The following NRP1 variants were observed in gnomAD, a reference collection of about 807,000 sequenced individuals.
NRP1 encodes the protein neuropilin-1.
In NRP1, 35 loss-of-function variants were observed where a neutral mutation model predicts 106.7. That is an observed-to-expected ratio of 0.33 (90% CI 0.25 to 0.43). The LOEUF is 0.43. NRP1 is among the 20% of genes least tolerant of loss of function. NRP1 has a pLI of 1.00. For synonymous variants in NRP1, 437 were observed against 417.9 expected, an observed-to-expected ratio of 1.05 and a Z score of -0.56; for missense variants, 1,024 against 1,170.4, an observed-to-expected ratio of 0.87 and a Z score of 1.83.
At chr10:33,187,175 A>G (rs1384960904) in intron 13 of NRP1, among the ~76,000 whole-genome samples, 1 of 152,204 alleles carries the variant, frequency 6.6e-6, no homozygotes, top group Admixed American at 6.5e-5. Flanking sequence ...GCTGGGCCCA[A>G]GAAACCCTGT....
At position 33,270,696 on chromosome 10, in the gene NRP1, G is replaced by T. The variant is rs766101815; in HGVS notation, c.409C>A (p.Arg137Ser). 1.7e-5 allele frequency: 27 copies of T among 1,610,244 alleles called. No homozygotes were observed. The highest frequency in any genetic ancestry group is 2.3e-5 in the Non-Finnish European group (27 of 1,178,314). Reference sequence around the variant, plus strand: ...TCACCTCTCTTGAAAATTTCATAACGTATGGAAAATCCTGCACCATGTGTT... The same window carrying T: ...TCACCTCTCTTGAAAATTTCATAACTTATGGAAAATCCTGCACCATGTGTT... ...YETHGAGFSI[R>S]YEIFKRGPEC... is the part of the protein sequence containing the mutation. Residue 137 changes from arginine (R) to serine (S), a missense_variant, in exon 3 of 17, where the codon CGT (arginine) becomes AGT (serine). This residue lies in a region of NRP1 where 279 missense variants were observed against 327.4 expected (regional missense o/e 0.85). Coordinates refer to ENST00000374867, the MANE Select transcript of NRP1 (RefSeq NM_003873.7).
intron 8 of NRP1, among the ~76,000 whole-genome samples, chr10:33,217,619 C>T (rs1838880369): frequency 6.6e-6 from 1 of 152,086 alleles, no homozygotes; most frequent in Non-Finnish European, 1.5e-5. Flanking sequence ...AACAAGATGC[C>T]CAGTGAAATT....
intron 6 of NRP1, among the ~76,000 whole-genome samples, chr10:33,243,381 T>C (rs1423660527): frequency 1.3e-5 from 2 of 152,202 alleles, no homozygotes; most frequent in African/African-American, 4.8e-5. Context: ...TTATTTTTAA[T>C]AGAATCACAG....
rs943516985 is a variant in NRP1 at position 33,334,212 on chromosome 10, C to A, written c.73+98G>T. On this transcript the variant is annotated intron_variant, in intron 1 of 16. Coordinates refer to ENST00000374867, the MANE Select transcript of NRP1 (RefSeq NM_003873.7). ...TTCCTTCGCCCGGGAGTCGGTTGTTCCCGGCTGATCCCGGGAAGCCCCGCC... is the reference window on the plus strand; with the variant it reads ...TTCCTTCGCCCGGGAGTCGGTTGTTACCGGCTGATCCCGGGAAGCCCCGCC... 31 of 1,127,228 alleles carry A rather than the reference C, an allele frequency of 2.8e-5. No homozygotes were observed. In the Admixed American group the frequency reaches 6.6e-4, roughly 24 times the overall value. 69.8% of individuals were successfully genotyped at this position (1,127,228 alleles called of 1,614,324 possible).
At chr10:33,307,498 A>G (rs893529829) in intron 2 of NRP1, among the ~76,000 whole-genome samples, 21 of 152,156 alleles carry the variant, frequency 1.4e-4, no homozygotes, top group Admixed American at 3.3e-4. Context: ...AAAAAAATCA[A>G]TTTCTTTGAA....
chr10:33,308,748 C>G (rs879477165), intron 2 of NRP1, among the ~76,000 whole-genome samples: 13 of 152,084 alleles, frequency 8.5e-5, no homozygotes, highest in Non-Finnish European at 1.2e-4. Flanking sequence ...CTTGGCCTCC[C>G]AAAGTGCTGG....
chr10:33,316,779 G>T (rs1019516198), intron 2 of NRP1, among the ~76,000 whole-genome samples: 1 of 152,232 alleles, frequency 6.6e-6, no homozygotes, highest in Non-Finnish European at 1.5e-5. Flanking sequence ...TCAGGGCCAA[G>T]AAATGGCCAA....
intron 7 of NRP1, among the ~76,000 whole-genome samples, chr10:33,222,238 C>T (rs1231934791): frequency 6.6e-6 from 1 of 152,084 alleles, no homozygotes; most frequent in African/African-American, 2.4e-5. Context: ...CCCAAGAATC[C>T]CCAGAAGGGA....
chr10:33,256,774 G>A (rs984985135), intron 4 of NRP1, among the ~76,000 whole-genome samples: 6 of 152,228 alleles, frequency 3.9e-5, no homozygotes, highest in Admixed American at 3.9e-4. Flanking sequence ...GGCTATTGAA[G>A]TGGCACCTTG....
At chr10:33,228,527 C>T (rs1839858246) in intron 6 of NRP1, among the ~76,000 whole-genome samples, 1 of 152,226 alleles carries the variant, frequency 6.6e-6, no homozygotes, top group South Asian at 2.1e-4. Flanking sequence ...GGGCCACGAA[C>T]ACTTAAAGAA....
intron 10 of NRP1, 34 bp downstream of exon 10, chr10:33,207,538 A>G: frequency 6.2e-7 from 1 of 1,611,146 alleles, no homozygotes; most frequent in Non-Finnish European, 8.5e-7. Context: ...AAATTTAAAA[A>G]CGCATGAGAA....
chr10:33,222,701 G>A (rs1053469710), intron 7 of NRP1, among the ~76,000 whole-genome samples: 6 of 151,840 alleles, frequency 4.0e-5, no homozygotes, highest in Non-Finnish European at 8.8e-5. Flanking sequence ...TTGTATTTTT[G>A]GTAGAGATGG....
In NRP1 at chr10:33,233,259, C is replaced by T. The variant is rs566029855; in HGVS notation, c.982-6970G>A. 7.9e-5 allele frequency among the ~76,000 whole-genome samples: 12 copies of T among 152,232 alleles called. No individual in the cohort carries two copies. In the South Asian group the frequency reaches 2.5e-3, roughly 32 times the overall value. Reference sequence around the variant, plus strand: ...GCAGTTCCTGGGTGGCGAACTCCCACCTCCCCACGGCACTGGGTTCTACCA... The same window carrying T: ...GCAGTTCCTGGGTGGCGAACTCCCATCTCCCCACGGCACTGGGTTCTACCA... On this transcript the variant is annotated intron_variant, in intron 6 of 16. Coordinates refer to ENST00000374867, the MANE Select transcript of NRP1 (RefSeq NM_003873.7).
intron 12 of NRP1, among the ~76,000 whole-genome samples, chr10:33,196,342 C>G (rs1424392783): frequency 6.6e-6 from 1 of 152,128 alleles, no homozygotes; most frequent in Non-Finnish European, 1.5e-5. Flanking sequence ...TCACCTCACC[C>G]CTCTTCCCTA....
At chr10:33,321,411 A>T (rs895301347) in intron 2 of NRP1, among the ~76,000 whole-genome samples, 25 of 152,186 alleles carry the variant, frequency 1.6e-4, no homozygotes, top group African/African-American at 5.8e-4. Flanking sequence ...GATTTTTTTT[A>T]AAAGATAAAA....
At position 33,185,630 on chromosome 10, in the gene NRP1, G is replaced by A. The variant is rs1477961818; in HGVS notation, c.2429C>T (p.Ala810Val). 6.2e-7 allele frequency: 1 copy of A among 1,609,540 alleles called. No individual in the cohort carries two copies. The highest frequency in any genetic ancestry group is 8.5e-7 in the Non-Finnish European group (1 of 1,175,854). Reference sequence around the variant, plus strand: ...TTTCTACAGCAGCTCATACTTACTTGCACAATCTTCTTGTGAAATGTGGTT... The same window carrying A: ...TTTCTACAGCAGCTCATACTTACTTACACAATCTTCTTGTGAAATGTGGTT... ...INNHISQEDC[A>V]KPADLDKKNP... Residue 810 changes from alanine (A) to valine (V), a missense_variant and splice_region_variant, in exon 15 of 17, where the codon GCA becomes GTA. Transcript: ENST00000374867.
intron 6 of NRP1, among the ~76,000 whole-genome samples, chr10:33,235,780 G>A (rs919173908): frequency 2.6e-5 from 4 of 152,330 alleles, no homozygotes; most frequent in South Asian, 4.1e-4. Flanking sequence ...AACATCTAAT[G>A]CAATTTGAAA....
intron 2 of NRP1, among the ~76,000 whole-genome samples, chr10:33,325,446 A>G (rs899988873): frequency 6.6e-6 from 1 of 152,218 alleles, no homozygotes; most frequent in African/African-American, 2.4e-5. Context: ...ATTAAAACAG[A>G]AAATATTACT....
intron 2 of NRP1, among the ~76,000 whole-genome samples, chr10:33,278,377 G>A (rs1843865757): frequency 6.6e-6 from 1 of 152,022 alleles, no homozygotes; most frequent in Non-Finnish European, 1.5e-5. Flanking sequence ...TGGACTGCTT[G>A]GACACAAGCC....
Sources: allele counts gnomAD v4.1 joint callset (sites outside exome capture counted in the v4.1 genomes callset), GRCh38; gene constraint gnomAD v4.1.1; regional missense constraint gnomAD v4.1.1; transcripts MANE v1.5; gene names NCBI Gene and HGNC (gene_info 2026-07-23, HGNC 2026-07-21).